Variants in TP53I13 observed in about 807,000 individuals in gnomAD.
The protein encoded by TP53I13 is tumor protein p53-inducible protein 13.
A neutral mutation model predicts 39.1 loss-of-function variants in TP53I13; 27 were observed. The observed-to-expected ratio is 0.69, with a 90% CI of 0.51 to 0.95. TP53I13 has a LOEUF of 0.95. TP53I13 is among the 40% of genes least tolerant of loss of function. The pLI, the probability that TP53I13 is intolerant of heterozygous loss-of-function variation, is 0.00. For synonymous variants in TP53I13, 230 were observed against 224.6 expected (o/e 1.02, Z -0.22); for missense variants, 544 against 520.4 (o/e 1.05, Z -0.44).
At chr17:29,576,171 C>T (rs772927905), downstream of TP53I13, 17 of 1,610,428 alleles carry the variant, frequency 1.1e-5, no homozygotes, top group Middle Eastern at 1.6e-4. Flanking sequence ...GTGGACCCTG[C>T]GGCAGCCCCA....
At chr17:29,575,925 A>T, downstream of TP53I13, 1 of 1,582,314 alleles carries the variant, frequency 6.3e-7, no homozygotes, top group Non-Finnish European at 8.6e-7. The surrounding 1 kb of genome is among the most constrained non-coding windows in gnomAD (Gnocchi z 5.5). Context: ...CGCTGGATGG[A>T]GTCAGTGTGC....
At chr17:29,566,875 C>T, upstream of TP53I13, 1 of 1,501,808 alleles carries the variant, frequency 6.7e-7, no homozygotes, top group Non-Finnish European at 8.8e-7. Flanking sequence ...TCCGACGGCG[C>T]GCCCCCAGGG....
At chr17:29,578,034 C>T (rs1484482708), downstream of TP53I13, among the ~76,000 whole-genome samples, 2 of 152,180 alleles carry the variant, frequency 1.3e-5, no homozygotes, top group Non-Finnish European at 2.9e-5. Context: ...GGAGCGGTAC[C>T]AGGGAGACAG....
chr17:29,568,987 A>G lies in TP53I13; in HGVS notation c.73-31A>G, dbSNP rs1340437831. On this transcript the variant is annotated intron_variant, in intron 1 of 6. Coordinates refer to ENST00000301057, the MANE Select transcript of TP53I13 (RefSeq NM_138349.4). The surrounding 1 kb of genome is among the most constrained non-coding windows in gnomAD (Gnocchi z 4.5). ...GAGAGGGCAGGGCCTCGCCGCGTCC[A>G]GCGCCCCAACTCTTCGCTTTGGACC... 6.3e-7 allele frequency: 1 copy of G among 1,599,620 alleles called. No homozygotes were observed. Among genetic ancestry groups the G allele is most frequent in the Admixed American group, 1.7e-5 (1 of 58,090 alleles).
intron 3 of TP53I13, 27 bp downstream of exon 3, chr17:29,569,386 C>T (rs746536411): frequency 3.1e-6 from 5 of 1,611,884 alleles, no homozygotes; most frequent in Non-Finnish European, 4.2e-6. Flanking sequence ...GCCCACCACC[C>T]TTGGTGTCCA....
downstream of TP53I13, chr17:29,574,881 G>A (rs1363128714): frequency 1.3e-6 from 2 of 1,578,560 alleles, no homozygotes; most frequent in East Asian, 2.3e-5. Context: ...TTGAGCAGCC[G>A]CAGTGAGCTC....
At chr17:29,575,610 G>A (rs1448674561), downstream of TP53I13, 1 of 1,608,180 alleles carries the variant, frequency 6.2e-7, no homozygotes, top group Non-Finnish European at 8.5e-7. The surrounding 1 kb of genome is among the most constrained non-coding windows in gnomAD (Gnocchi z 5.5). Flanking sequence ...AGGCTGGACT[G>A]GAGACCCAGG....
chr17:29,575,510 T>A, downstream of TP53I13: 1 of 1,581,044 alleles, frequency 6.3e-7, no homozygotes. This position sits in a 1 kb window ranked among gnomAD's most constrained non-coding sequence, Gnocchi z 5.5. Context: ...AAGATACATA[T>A]AGAGAAAGAC....
At chr17:29,572,724 C>G in intron 6 of TP53I13, 27 bp downstream of exon 6, 1 of 1,506,056 alleles carries the variant, frequency 6.6e-7, no homozygotes, top group Non-Finnish European at 8.9e-7. Flanking sequence ...CTACCCTACC[C>G]GAGGCCCCCG....
chr17:29,579,134 A>T, the TP53I13 span: 1 of 691,872 alleles, frequency 1.4e-6, no homozygotes, highest in African/African-American at 1.8e-5. Flanking sequence ...AATTCATCTC[A>T]CCGCGTCCCC....
chr17:29,569,457 C>G, intron 3 of TP53I13, 98 bp downstream of exon 3: 1 of 1,193,204 alleles, frequency 8.4e-7, no homozygotes, highest in Non-Finnish European at 1.2e-6. Context: ...GGCCCCATTC[C>G]TTACCACTTC....
the TP53I13 span, chr17:29,582,184 G>T: frequency 7.0e-7 from 1 of 1,419,386 alleles, no homozygotes; most frequent in South Asian, 1.2e-5. Flanking sequence ...GCATGTGCGT[G>T]AGGCGCACCT....
At chr17:29,576,723 A>G (rs1314366820), downstream of TP53I13, 2 of 1,608,544 alleles carry the variant, frequency 1.2e-6, no homozygotes, top group South Asian at 1.1e-5. Flanking sequence ...AGGGAGGCCA[A>G]CACCCGCAGG....
the TP53I13 span, chr17:29,582,064 G>A: frequency 1.2e-6 from 2 of 1,609,776 alleles, no homozygotes; most frequent in Non-Finnish European, 1.7e-6. Context: ...TCTCTGGGTG[G>A]AAGAAGTTGG....
chr17:29,579,096 C>T, the TP53I13 span: 3 of 920,862 alleles, frequency 3.3e-6, no homozygotes, highest in South Asian at 4.1e-5. Flanking sequence ...CATCTCCACG[C>T]ACACCCGGCC....
chr17:29,574,928 G>A (rs748813318), downstream of TP53I13: 7 of 1,550,112 alleles, frequency 4.5e-6, no homozygotes, highest in African/African-American at 8.2e-5. Flanking sequence ...GAGGGGGCAG[G>A]AGTGAGGCTG....
In TP53I13 at chr17:29,572,293, T is replaced by A; in HGVS notation, c.665T>A (p.Phe222Tyr). The change falls in exon 6 of 7, where the codon TTT (phenylalanine) becomes TAT (tyrosine). Residue 222 changes from phenylalanine to tyrosine, a missense_variant. Coordinates refer to ENST00000301057, the MANE Select transcript of TP53I13 (RefSeq NM_138349.4). The part of the protein sequence containing the change: ...GPQPTRSALR[F>Y]PSASPGSLKA... The stretch of plus-strand genomic sequence containing the variant: ...CAGCCCACTCGCTCAGCCCTGAGGT[T>A]TCCCTCTGCTTCCCCAGGGAGCTTG... The A allele has an allele frequency of 6.2e-7, 1 of 1,612,922 alleles. No individual in the cohort carries two copies. Among genetic ancestry groups the A allele is most frequent in the Non-Finnish European group, 8.5e-7 (1 of 1,179,952 alleles).
chr17:29,576,200 G>T, downstream of TP53I13: 1 of 1,606,228 alleles, frequency 6.2e-7, no homozygotes. Context: ...CCCACACCTT[G>T]AGACCCATAG....
the TP53I13 span, chr17:29,581,420 G>A: frequency 6.5e-7 from 1 of 1,543,086 alleles, no homozygotes; most frequent in African/African-American, 1.4e-5. The surrounding 1 kb of genome is among the most constrained non-coding windows in gnomAD (Gnocchi z 4.8). Flanking sequence ...CACTAGTGCT[G>A]GGTGGCCTCA....
Sources: gnomAD v4.1 joint callset for allele counts (sites outside exome capture counted in the v4.1 genomes callset) on GRCh38, gnomAD v4.1.1 for gene constraint, Gnocchi (gnomAD v3.1) non-coding constraint, MANE v1.5 for transcripts, NCBI Gene and HGNC (gene_info 2026-07-23, HGNC 2026-07-21) for gene names.